TIMM21: variants seen among roughly 807,000 people sequenced by gnomAD.
TIMM21 encodes the protein mitochondrial import inner membrane translocase subunit Tim21.
Under a neutral mutation model 27.7 loss-of-function variants are expected in TIMM21, and 30 were observed. That is an observed-to-expected ratio of 1.08 (90% CI 0.81 to 1.47). TIMM21 has a LOEUF of 1.47. TIMM21 is among the 40% of genes most tolerant of loss of function. The pLI is 0.00. For missense variants in TIMM21, 292 were observed against 302.9 expected, an observed-to-expected ratio of 0.96 and a Z score of 0.27; for synonymous variants, 121 against 114.4, an observed-to-expected ratio of 1.06 and a Z score of -0.37.
At chr18:74,156,553 G>A (rs1979957076) in intron 3 of TIMM21, 2 of 349,050 alleles carry the variant, frequency 5.7e-6, no homozygotes, top group Non-Finnish European at 1.0e-5. Flanking sequence ...AGGAAGGTTC[G>A]TTCCCATAAT....
chr18:74,149,371 T>C (rs1016482480), intron 1 of TIMM21, among the ~76,000 whole-genome samples: 1 of 152,204 alleles, frequency 6.6e-6, no homozygotes, highest in Admixed American at 6.5e-5. Flanking sequence ...ATATTGGCTC[T>C]GTTACATATA....
intron 1 of TIMM21, among the ~76,000 whole-genome samples, chr18:74,151,427 C>T (rs532904699): frequency 6.6e-6 from 1 of 152,296 alleles, no homozygotes; most frequent in Non-Finnish European, 1.5e-5. Flanking sequence ...CTGTTGCTTT[C>T]TGTAGGTCAG....
Position 74,151,933 on chromosome 18 carries a change from A to G in TIMM21, c.301+2824A>G, listed in dbSNP as rs1979812864. Among the ~76,000 whole-genome samples the G allele has an allele frequency of 1.9e-5, 2 of 106,010 alleles. 1 individual carries two copies. Among genetic ancestry groups the G allele is most frequent in the African/African-American group, 1.0e-4 (2 of 19,470 alleles). The allele number at this position is 106,010 out of a possible 152,430, so 69.5% of individuals were successfully genotyped here. A position where few individuals can be genotyped will look rare whatever the true frequency, so the allele number is the denominator to read the frequency against. On this transcript the variant is annotated intron_variant, in intron 1 of 5. Coordinates refer to ENST00000169551, the MANE Select transcript of TIMM21 (RefSeq NM_014177.3). ...CCACCCTTAAGAAGCAGTGGTGTCT[A>G]TGTTCCCCCCCCCCCCGGGGGGACC...
At chr18:74,151,945 C>CCT (rs1555682320) in intron 1 of TIMM21, among the ~76,000 whole-genome samples, 1 of 145,258 alleles carries the variant, frequency 6.9e-6, no homozygotes, top group African/African-American at 2.7e-5. Context: ...GTTCCCCCCC[C>CCT]CCCCGGGGGG....
rs2121915390 is a variant in TIMM21, at chr18:74,152,882, G to A, written c.302-2263G>A. ...TCAGCTGCTGCTCTGGGGACTTCTG[G>A]AGCTGAGCTGGCCAGTCACTGTCCT... On this transcript the variant is annotated intron_variant, in intron 1 of 5. Transcript: ENST00000169551. This position sits in a 1 kb window ranked among gnomAD's most constrained non-coding sequence, Gnocchi z 4.1. 6.6e-6 allele frequency among the ~76,000 whole-genome samples: 1 copy of A among 152,330 alleles called. No homozygotes were observed. The highest frequency in any genetic ancestry group is 2.1e-4 in the South Asian group (1 of 4,820).
Position 74,149,112 on chromosome 18 carries a change from A to T in TIMM21, c.301+3A>T. 1 of 1,606,324 alleles carries T rather than the reference A, an allele frequency of 6.2e-7. No individual in the cohort carries two copies. The highest frequency in any genetic ancestry group is 8.5e-7 in the Non-Finnish European group (1 of 1,174,990). On this transcript the variant is annotated splice_donor_region_variant and intron_variant, in intron 1 of 5. Transcript: ENST00000169551. ...CGCCGTCCCAACATCACAAAAAGGT[A>T]AAAAGGAGTACTTTAATGATTGGGC...
rs1980050378 is a variant in TIMM21 at position 74,159,602 on chromosome 18, T to G, written c.*1122T>G. On this transcript the variant is annotated 3_prime_UTR_variant, in exon 6 of 6. Coordinates refer to ENST00000169551, the MANE Select transcript of TIMM21 (RefSeq NM_014177.3). ...CTCCCTGCTTAATTTAGTTAGTTTC[T>G]TGGTTTGACTGCTTGTTTTAGATGT... 6.6e-6 allele frequency: 1 copy of G among 152,228 alleles called. No homozygotes were observed. Among genetic ancestry groups the G allele is most frequent in the South Asian group, 2.1e-4 (1 of 4,830 alleles). The allele number at this position is 152,228 out of a possible 1,614,324, so 9.4% of individuals were successfully genotyped here.
Position 74,158,156 on chromosome 18 carries a change from T to C in TIMM21, c.537-15T>C, listed in dbSNP as rs1980004263. On this transcript the variant is annotated splice_polypyrimidine_tract_variant and intron_variant, in intron 4 of 5. Coordinates refer to ENST00000169551, the MANE Select transcript of TIMM21 (RefSeq NM_014177.3). ...AATGAAAGGAACTTAGACTGATCTT[T>C]CGTTTTCTCGACAGGTTCACTGAAT... The C allele has an allele frequency of 2.5e-6, 4 of 1,613,894 alleles. No homozygotes were observed. The highest frequency in any genetic ancestry group is 4.5e-5 in the East Asian group (2 of 44,886).
In TIMM21 at chr18:74,148,537, A is replaced by G; in HGVS notation, c.-272A>G. 1 of 316,138 alleles carries G rather than the reference A, an allele frequency of 3.2e-6. No homozygotes were observed. Among genetic ancestry groups the G allele is most frequent in the South Asian group, 7.5e-5 (1 of 13,246 alleles). 19.6% of individuals were successfully genotyped at this position (316,138 alleles called of 1,614,324 possible). A position where few individuals can be genotyped will look rare whatever the true frequency, so the allele number is the denominator to read the frequency against. On this transcript the variant is annotated 5_prime_UTR_variant, in exon 1 of 6. Coordinates refer to ENST00000169551, the MANE Select transcript of TIMM21 (RefSeq NM_014177.3). ...GGGGGTTTCCCAGGTGACTTTGCGA[A>G]GGCATGGCGGGGACACTGTGAATGT...
intron 1 of TIMM21, among the ~76,000 whole-genome samples, chr18:74,150,207 T>C (rs1198880703): frequency 6.6e-6 from 1 of 152,218 alleles, no homozygotes; most frequent in Non-Finnish European, 1.5e-5. Flanking sequence ...ACTTATGGGC[T>C]CTAACATGAT....
intron 1 of TIMM21, among the ~76,000 whole-genome samples, chr18:74,151,943 C>G (rs546329118): frequency 3.4e-5 from 5 of 145,966 alleles, no homozygotes; most frequent in South Asian, 2.2e-4. Context: ...ATGTTCCCCC[C>G]CCCCCCGGGG....
chr18:74,150,511 A>C (rs960514737), intron 1 of TIMM21, among the ~76,000 whole-genome samples: 2 of 152,228 alleles, frequency 1.3e-5, no homozygotes, highest in Non-Finnish European at 2.9e-5. Flanking sequence ...CTGTTATGAT[A>C]GAGGGTGAGA....
At chr18:74,153,577 C>T (rs562533214) in intron 1 of TIMM21, among the ~76,000 whole-genome samples, 40 of 152,142 alleles carry the variant, frequency 2.6e-4, no homozygotes, top group Admixed American at 1.0e-3. Flanking sequence ...AACTCCTGAA[C>T]CTTGGAAGGG....
Position 74,158,556 on chromosome 18 carries a change from C to A in TIMM21, c.*76C>A. On this transcript the variant is annotated 3_prime_UTR_variant, in exon 6 of 6. Coordinates refer to ENST00000169551, the MANE Select transcript of TIMM21 (RefSeq NM_014177.3). ...TCACAGCTGCCTTCCAGAATGTGTT[C>A]AAAAGAAAGACAAGAAGGAGTGTAT... The A allele has an allele frequency of 1.1e-6, 1 of 893,794 alleles. No individual in the cohort carries two copies. The highest frequency in any genetic ancestry group is 1.8e-6 in the Non-Finnish European group (1 of 563,240). 55.4% of individuals were successfully genotyped at this position (893,794 alleles called of 1,614,324 possible).
chr18:74,149,180 A>G (rs1979711917), intron 1 of TIMM21, 71 bp downstream of exon 1: 1 of 1,502,574 alleles, frequency 6.7e-7, no homozygotes, highest in Non-Finnish European at 9.0e-7. Flanking sequence ...CTTTTATACC[A>G]AGTTCACTGC....
Position 74,155,143 on chromosome 18 carries a change from A to G in TIMM21, c.302-2A>G. 6.2e-7 allele frequency: 1 copy of G among 1,614,150 alleles called. No homozygotes were observed. The highest frequency in any genetic ancestry group is 8.5e-7 in the Non-Finnish European group (1 of 1,179,988). On this transcript the variant is annotated splice_acceptor_variant, in intron 1 of 5. Coordinates refer to ENST00000169551, the MANE Select transcript of TIMM21 (RefSeq NM_014177.3). LOFTEE classifies it high-confidence loss of function. ...TAACCCATTGGTGTTTTCTCTTCAC[A>G]GTGAAAGAAGCCGGAAGAGATTTTA...
rs74692556 is a variant in TIMM21 at position 74,158,072 on chromosome 18, G to A, written c.521G>A (p.Arg174His). The change falls in exon 4 of 6, where the codon CGC becomes CAC. Residue 174 changes from arginine to histidine, a missense_variant. Physicochemically the swap from Arg to His is conservative, Grantham distance 29. Coordinates refer to ENST00000169551, the MANE Select transcript of TIMM21 (RefSeq NM_014177.3). ...TATGGGGAGGTGACAAGGCGGGGTC[G>A]CCGGCAGCATGTCAGGTACTGTGGC... ...KGYGEVTRRGRRQHVRFTEYV... is the reference protein window; with the variant it reads ...KGYGEVTRRGHRQHVRFTEYV... The A allele has an allele frequency of 7.6e-4, 1,226 of 1,614,152 alleles. 4 individuals are homozygous for A. The highest frequency in any genetic ancestry group is 6.8e-3 in the East Asian group (305 of 44,882).
chr18:74,148,761 C>T lies in TIMM21; in HGVS notation c.-48C>T, dbSNP rs1191040729. ...CATGTGTAGTGAACCCTAAAGCTTTCCTAATTGTAGTTAGCATCGTCCCTA... is the reference window on the plus strand; with the variant it reads ...CATGTGTAGTGAACCCTAAAGCTTTTCTAATTGTAGTTAGCATCGTCCCTA... On this transcript the variant is annotated 5_prime_UTR_variant, in exon 1 of 6. Transcript: ENST00000169551. 1.3e-6 allele frequency: 2 copies of T among 1,570,518 alleles called. No individual in the cohort carries two copies. The highest frequency in any genetic ancestry group is 1.7e-6 in the Non-Finnish European group (2 of 1,150,878).
chr18:74,157,605 GTTTGT>G (rs1215069819), intron 3 of TIMM21: 1 of 156,990 alleles, frequency 6.4e-6, no homozygotes, highest in East Asian at 1.9e-4. Flanking sequence ...TTGTTTGTTT[GTTTGT>G]TTTGAGACGG....
Sources: allele counts gnomAD v4.1 joint callset (sites outside exome capture counted in the v4.1 genomes callset), GRCh38; gene constraint gnomAD v4.1.1; non-coding constraint Gnocchi (gnomAD v3.1); transcripts MANE v1.5; gene names NCBI Gene and HGNC (gene_info 2026-07-23, HGNC 2026-07-21).